Variants in HYDIN observed in about 807,000 individuals in gnomAD.
HYDIN encodes axonemal central pair apparatus protein HYDIN.
In HYDIN, 132 loss-of-function variants were observed where a neutral mutation model predicts 403.9. That is an observed-to-expected ratio of 0.33 (90% confidence interval 0.28 to 0.38). HYDIN has a LOEUF of 0.38. Ranked by LOEUF, HYDIN falls within the 10% of genes least tolerant of loss-of-function variation. HYDIN has a pLI of 1.00. For missense variants in HYDIN, 2,827 were observed against 5,009.5 expected (o/e 0.56, Z 13.15); for synonymous variants, 1,202 against 1,891.7 (o/e 0.64, Z 9.46).
intron 75 of HYDIN, among the ~76,000 whole-genome samples, chr16:70,844,948 G>A (rs77295022): frequency 0.16 from 19,829 of 127,432 alleles, 2,424 homozygotes; most frequent in African/African-American, 0.42. Context: ...GGGCTGAGAC[G>A]ATGGGGTTTT....
chr16:71,199,664 G>C (rs961444241), intron 1 of HYDIN, among the ~76,000 whole-genome samples: 2 of 152,026 alleles, frequency 1.3e-5, no homozygotes, highest in Non-Finnish European at 2.9e-5. Flanking sequence ...GAGAGGGGTG[G>C]GCCTGAATTA....
intron 7 of HYDIN, among the ~76,000 whole-genome samples, chr16:71,152,180 A>T (rs899435851): frequency 1.1e-3 from 159 of 149,872 alleles, no homozygotes; most frequent in African/African-American, 3.7e-3. Context: ...AGCACTGGGG[A>T]CACCAGTTAG....
intron 23 of HYDIN, among the ~76,000 whole-genome samples, chr16:71,003,754 G>A (rs4788712): frequency 5.3e-5 from 8 of 149,810 alleles, no homozygotes; most frequent in Non-Finnish European, 1.0e-4. Context: ...AGCCAAGATC[G>A]CACCATTGCA....
chr16:70,902,003 TG>T (rs2076394576), intron 52 of HYDIN, among the ~76,000 whole-genome samples: 1 of 152,066 alleles, frequency 6.6e-6, no homozygotes, highest in South Asian at 2.1e-4. Context: ...TGTGTTTCAT[TG>T]AAAAAAAAAT....
rs535320895 is a variant in HYDIN, at chr16:70,900,346, G to A, written c.9048+658C>T. On this transcript the variant is annotated intron_variant, in intron 53 of 85. Coordinates refer to ENST00000393567, the MANE Select transcript of HYDIN (RefSeq NM_001270974.2). The stretch of plus-strand genomic sequence containing the variant: ...CAAAAAGTTAGCTGGGTGTAGTGGC[G>A]CGTGCCTGTAGTCCCAGCTACTCTG... Among the ~76,000 whole-genome samples the A allele has an allele frequency of 4.2e-4, 64 of 151,692 alleles. 1 individual carries two copies. In the South Asian group the frequency reaches 5.9e-3, roughly 14 times the overall value.
chr16:71,055,092 G>T (rs1315301006), intron 18 of HYDIN, among the ~76,000 whole-genome samples: 14 of 152,290 alleles, frequency 9.2e-5, no homozygotes, highest in Non-Finnish European at 1.8e-4. Flanking sequence ...CTACCTTAAA[G>T]GGTCATTTAT....
intron 12 of HYDIN, among the ~76,000 whole-genome samples, chr16:71,082,249 T>C: frequency 6.6e-6 from 1 of 152,206 alleles, no homozygotes; most frequent in South Asian, 2.1e-4. Context: ...TGATGTATTA[T>C]ACATGCATTT....
At chr16:70,833,337 T>C (rs1052461860) in intron 79 of HYDIN, among the ~76,000 whole-genome samples, 4 of 143,268 alleles carry the variant, frequency 2.8e-5, no homozygotes, top group African/African-American at 8.2e-5. Context: ...GAGTGACACA[T>C]CAGGGAACAT....
In HYDIN at chr16:71,178,419, CA is replaced by C. The variant is rs72161442; in HGVS notation, c.381+508del. Among the ~76,000 whole-genome samples, 198 of 123,990 alleles carry C rather than the reference CA, an allele frequency of 1.6e-3. 1 individual carries two copies. Among genetic ancestry groups the C allele is most frequent in the Middle Eastern group, 3.9e-3 (1 of 258 alleles). The allele number at this position is 123,990 out of a possible 152,430, so 81.3% of individuals were successfully genotyped here. ...GGGAAACAAGAGTGAAACTCTGTCT[CA>C]AAAAAAAAAAAAAAATATATATATA... On this transcript the variant is annotated intron_variant, in intron 4 of 85. Coordinates refer to ENST00000393567, the MANE Select transcript of HYDIN (RefSeq NM_001270974.2).
chr16:70,933,784 C>G (rs1352444464), intron 45 of HYDIN: 1 of 154,728 alleles, frequency 6.5e-6, no homozygotes, highest in Non-Finnish European at 1.5e-5. Context: ...GCCTTTCTCT[C>G]CTCCCTCTTT....
chr16:71,208,031 A>G (rs1443415320), intron 1 of HYDIN, among the ~76,000 whole-genome samples: 1 of 152,186 alleles, frequency 6.6e-6, no homozygotes, highest in Non-Finnish European at 1.5e-5. Flanking sequence ...ATTAACAAAG[A>G]AAGTCAGGAC....
intron 6 of HYDIN, among the ~76,000 whole-genome samples, chr16:71,153,245 GGAGA>G (rs573576050): frequency 5.3e-4 from 80 of 152,328 alleles, no homozygotes; most frequent in African/African-American, 1.7e-3. Flanking sequence ...AGAGTTCACA[GGAGA>G]GAGGGCATCA....
At chr16:70,832,825 C>T (rs2037104718) in intron 80 of HYDIN, 23 bp downstream of exon 80, 3 of 1,593,276 alleles carry the variant, frequency 1.9e-6, no homozygotes, top group African/African-American at 2.8e-5. Flanking sequence ...GCCACTGGGC[C>T]ACCCCGGGCA....
At chr16:70,978,747 C>G (rs1171418138) in intron 30 of HYDIN, among the ~76,000 whole-genome samples, 167 bp downstream of exon 30, 2 of 152,162 alleles carry the variant, frequency 1.3e-5, no homozygotes, top group African/African-American at 2.4e-5. Flanking sequence ...TTTCTCTTTT[C>G]TGTACCTCAG....
At chr16:70,838,585 G>C (rs2791869) in intron 76 of HYDIN, among the ~76,000 whole-genome samples, 5 of 151,978 alleles carry the variant, frequency 3.3e-5, no homozygotes. Context: ...TAGGTAACAA[G>C]GCACAGTAGG....
At chr16:71,170,531 T>C (rs879441147) in intron 5 of HYDIN, among the ~76,000 whole-genome samples, 1 of 152,144 alleles carries the variant, frequency 6.6e-6, no homozygotes, top group Admixed American at 6.5e-5. Flanking sequence ...GTGATAGGAA[T>C]GCAATCAGCA....
intron 25 of HYDIN, among the ~76,000 whole-genome samples, chr16:70,989,264 C>T (rs1304627385): frequency 6.6e-6 from 1 of 152,036 alleles, no homozygotes; most frequent in Non-Finnish European, 1.5e-5. Flanking sequence ...GTCTTGAACT[C>T]GTGGCCTCAA....
At chr16:71,225,233 G>A (rs888484223) in intron 1 of HYDIN, among the ~76,000 whole-genome samples, 1 of 152,160 alleles carries the variant, frequency 6.6e-6, no homozygotes, top group African/African-American at 2.4e-5. Context: ...GATCTATCCA[G>A]TTGCAGGTTT....
chr16:70,859,679 C>G (rs1213280174), intron 71 of HYDIN, among the ~76,000 whole-genome samples: 1 of 152,110 alleles, frequency 6.6e-6, no homozygotes, highest in Non-Finnish European at 1.5e-5. Context: ...TCTACTTTGC[C>G]CTTTGCCTAA....
Sources: gnomAD v4.1 joint callset for allele counts (sites outside exome capture counted in the v4.1 genomes callset) on GRCh38, gnomAD v4.1.1 for gene constraint, MANE v1.5 for transcripts, NCBI Gene and HGNC (gene_info 2026-07-23, HGNC 2026-07-21) for gene names.